Variants in PPFIA2 observed in about 807,000 individuals in gnomAD.
The protein encoded by PPFIA2 is liprin-alpha-2.
In PPFIA2, 46 loss-of-function variants were observed where a neutral mutation model predicts 175.5. The ratio of observed to expected loss-of-function variants is 0.26; its 90% CI spans 0.21 to 0.34. The LOEUF (loss-of-function observed/expected upper bound fraction) is 0.34. Ranked by LOEUF, PPFIA2 falls within the 10% of genes least tolerant of loss-of-function variation. The pLI is 1.00. For synonymous variants in PPFIA2, 568 were observed against 511.4 expected (o/e 1.11, Z -1.49); for missense variants, 1,179 against 1,506.1 (o/e 0.78, Z 3.60).
intron 8 of PPFIA2, among the ~76,000 whole-genome samples, chr12:81,402,864 T>A (rs1389705799): frequency 6.6e-6 from 1 of 152,028 alleles, no homozygotes; most frequent in African/African-American, 2.4e-5. Flanking sequence ...AAAATAAATT[T>A]AAAAATGTGG....
intron 4 of PPFIA2, among the ~76,000 whole-genome samples, chr12:81,610,112 T>C (rs548377567): frequency 8.1e-4 from 123 of 152,286 alleles, no homozygotes; most frequent in Non-Finnish European, 1.3e-3. Context: ...TTCCGGCAAG[T>C]AGGATTTCTG....
At chr12:81,475,808 GT>G (rs376672379) in intron 4 of PPFIA2, among the ~76,000 whole-genome samples, 8 of 152,280 alleles carry the variant, frequency 5.3e-5, no homozygotes, top group African/African-American at 1.7e-4. Context: ...CGCCTCCTGA[GT>G]TCATGCCATT....
chr12:81,394,081 T>G (rs1262794501), intron 8 of PPFIA2, among the ~76,000 whole-genome samples: 1 of 152,074 alleles, frequency 6.6e-6, no homozygotes, highest in African/African-American at 2.4e-5. Context: ...TAGCAGTTTT[T>G]TAAAAATTTA....
At chr12:81,413,083 T>C (rs1001213944) in intron 7 of PPFIA2, among the ~76,000 whole-genome samples, 3 of 151,904 alleles carry the variant, frequency 2.0e-5, no homozygotes, top group Admixed American at 6.6e-5. Context: ...CAGTAACTCA[T>C]GTCATGCAAG....
At chr12:81,446,556 GTTA>G (rs1392307895) in intron 5 of PPFIA2, among the ~76,000 whole-genome samples, 8 of 152,200 alleles carry the variant, frequency 5.3e-5, no homozygotes, top group South Asian at 4.1e-4. Context: ...ATTATTTTCA[GTTA>G]TTATAATTTT....
Position 81,358,114 on chromosome 12 carries a change from C to G in PPFIA2, c.1741G>C (p.Gly581Arg), listed in dbSNP as rs746158921. ...TCATCTCTTCGCACACCCATGCGGC[C>G]TCTCCTTGGTCTTCTTATTACTTTA... Reference protein sequence around the residue: ...TTKVIRRPRRGRMGVRRDEPK... With the variant: ...TTKVIRRPRRRRMGVRRDEPK... The change falls in exon 16 of 33, where the codon GGC (glycine) becomes CGC (arginine). Residue 581 changes from glycine (G) to arginine (R), a missense_variant. By Grantham distance (125) the Gly-to-Arg change is moderately radical. Transcript: ENST00000549396. 13 of 1,605,474 alleles carry G rather than the reference C, an allele frequency of 8.1e-6. No homozygotes were observed. The highest frequency in any genetic ancestry group is 1.1e-5 in the Non-Finnish European group (13 of 1,175,702).
chr12:81,705,748 T>C (rs2077058122), intron 3 of PPFIA2, among the ~76,000 whole-genome samples: 1 of 152,214 alleles, frequency 6.6e-6, no homozygotes, highest in South Asian at 2.1e-4. Flanking sequence ...TATTTTGTCA[T>C]GATGCATGAC....
At chr12:81,751,877 G>A (rs1325708815) in intron 3 of PPFIA2, among the ~76,000 whole-genome samples, 1 of 151,802 alleles carries the variant, frequency 6.6e-6, no homozygotes, top group Non-Finnish European at 1.5e-5. Flanking sequence ...TCTTGTTCTA[G>A]TGCTTTATTT....
At chr12:81,562,217 G>A (rs985724745) in intron 4 of PPFIA2, among the ~76,000 whole-genome samples, 5 of 152,056 alleles carry the variant, frequency 3.3e-5, no homozygotes, top group African/African-American at 1.2e-4. Flanking sequence ...ATAAAATCCA[G>A]TGAAAGAAAC....
At chr12:81,623,996 C>T (rs1025023148) in intron 4 of PPFIA2, among the ~76,000 whole-genome samples, 4 of 151,726 alleles carry the variant, frequency 2.6e-5, no homozygotes, top group African/African-American at 4.8e-5. Flanking sequence ...TTGTACTAAA[C>T]GTTTTTTGCA....
At chr12:81,719,949 T>G (rs1280599456) in intron 3 of PPFIA2, among the ~76,000 whole-genome samples, 1 of 151,464 alleles carries the variant, frequency 6.6e-6, no homozygotes, top group East Asian at 1.9e-4. Context: ...TATGTTTGTC[T>G]TATTAATAAA....
intron 8 of PPFIA2, among the ~76,000 whole-genome samples, chr12:81,394,037 C>T (rs927412176): frequency 6.6e-6 from 1 of 151,934 alleles, no homozygotes; most frequent in African/African-American, 2.4e-5. Context: ...ACACTTGTTT[C>T]AAAAGTGATA....
intron 4 of PPFIA2, among the ~76,000 whole-genome samples, chr12:81,509,292 T>C (rs2061521075): frequency 6.6e-6 from 1 of 152,028 alleles, no homozygotes; most frequent in South Asian, 2.1e-4. Context: ...TAGAAAATGG[T>C]AAGAGAAAGA....
intron 22 of PPFIA2, among the ~76,000 whole-genome samples, chr12:81,322,855 T>A (rs1211348816): frequency 1.3e-5 from 2 of 152,186 alleles, no homozygotes; most frequent in Non-Finnish European, 2.9e-5. Context: ...GATTTCCTAT[T>A]TCTCATAATA....
intron 4 of PPFIA2, among the ~76,000 whole-genome samples, chr12:81,492,128 T>C (rs1041528194): frequency 5.9e-5 from 9 of 152,178 alleles, no homozygotes; most frequent in African/African-American, 1.9e-4. Flanking sequence ...TTCACCATTT[T>C]TTTTTAGGAA....
At chr12:81,443,084 A>C (rs2145151942) in intron 6 of PPFIA2, among the ~76,000 whole-genome samples, 1 of 151,260 alleles carries the variant, frequency 6.6e-6, no homozygotes, top group Non-Finnish European at 1.5e-5. Context: ...ACTTGGTTTG[A>C]AAGTTTTATC....
chr12:81,449,796 G>T (rs1459659031), intron 5 of PPFIA2, among the ~76,000 whole-genome samples: 1 of 44,582 alleles, frequency 2.2e-5, no homozygotes, highest in Non-Finnish European at 4.5e-5. Flanking sequence ...CCCTCCCCCC[G>T]ACCCCATGAC....
At chr12:81,466,784 G>T (rs2055721701) in intron 4 of PPFIA2, among the ~76,000 whole-genome samples, 1 of 151,398 alleles carries the variant, frequency 6.6e-6, no homozygotes, top group African/African-American at 2.4e-5. Context: ...CACAATGGCT[G>T]TTCTGCTGCA....
At chr12:81,292,909 G>A (rs1443342422) in intron 24 of PPFIA2, 1 of 151,524 alleles carries the variant, frequency 6.6e-6, no homozygotes, top group Non-Finnish European at 1.5e-5. Context: ...ATGTCATTTA[G>A]GAAGAACTTA....
Sources: allele counts gnomAD v4.1 joint callset (sites outside exome capture counted in the v4.1 genomes callset), GRCh38; gene constraint gnomAD v4.1.1; transcripts MANE v1.5; gene names NCBI Gene and HGNC (gene_info 2026-07-23, HGNC 2026-07-21).